The following EPS8 variants were observed in gnomAD, a reference collection of about 807,000 sequenced individuals.
The protein encoded by EPS8 is epidermal growth factor receptor kinase substrate 8.
EPS8 carries 42 observed loss-of-function variants against 103.8 expected under a neutral mutation model. The ratio of observed to expected loss-of-function variants is 0.40; its 90% CI spans 0.32 to 0.52. The LOEUF (loss-of-function observed/expected upper bound fraction) is 0.52. Among genes scored for constraint, EPS8 ranks in the 20% least tolerant of loss-of-function variants. The pLI, the probability that EPS8 is intolerant of heterozygous loss-of-function variation, is 0.40. For synonymous variants in EPS8, 344 were observed against 344.6 expected (o/e 1.00, Z 0.02); for missense variants, 969 against 1,005.1 (o/e 0.96, Z 0.49).
Position 15,660,666 on chromosome 12 carries a change from A to T in EPS8, c.885T>A (p.Ser295=). The T allele has an allele frequency of 6.2e-7, 1 of 1,609,846 alleles. No homozygotes were observed. Among genetic ancestry groups the T allele is most frequent in the South Asian group, 1.1e-5 (1 of 90,920 alleles). The change falls in exon 10 of 21, where the codon TCT becomes TCA. Residue 295 remains serine, a synonymous_variant. Coordinates refer to ENST00000281172, the MANE Select transcript of EPS8 (RefSeq NM_004447.6). ...TKLQKAAEAF[S]ELSKRKKNKK... ...TGTTTTTCTTCCTTTTAGAAAGCTC[A>T]GAAAATGCTTCTGCTGCTTTTTGGA...
Position 15,735,733 on chromosome 12 carries a change from A to T in EPS8, c.-21-52761T>A, listed in dbSNP as rs1447124839. 6.6e-6 allele frequency among the ~76,000 whole-genome samples: 1 copy of T among 152,232 alleles called. No individual in the cohort carries two copies. Among genetic ancestry groups the T allele is most frequent in the Non-Finnish European group, 1.5e-5 (1 of 68,030 alleles). On this transcript the variant is annotated intron_variant, in intron 1 of 20. Coordinates refer to ENST00000281172, the MANE Select transcript of EPS8 (RefSeq NM_004447.6). The surrounding 1 kb of genome is among the most constrained non-coding windows in gnomAD (Gnocchi z 4.4). ...TGTAGACCTTTTAAAAGTGCATGTT[A>T]TTAAATGTAACCTATATCTGTGTAA...
chr12:15,639,523 A>G (rs914263148), intron 17 of EPS8, among the ~76,000 whole-genome samples: 2 of 152,216 alleles, frequency 1.3e-5, no homozygotes, highest in African/African-American at 4.8e-5. Context: ...GAGGCCAGCC[A>G]AAACATAACA....
rs528916380 is a variant in EPS8 at position 15,704,369 on chromosome 12, T to C, written c.-21-21397A>G. On this transcript the variant is annotated intron_variant, in intron 1 of 20. Coordinates refer to ENST00000281172, the MANE Select transcript of EPS8 (RefSeq NM_004447.6). The surrounding 1 kb of genome is among the most constrained non-coding windows in gnomAD (Gnocchi z 4.6). Reference sequence around the variant, plus strand: ...ATGAATAAGTAAAATATCATACATCTACATAAGGGAATTATTTATCCTTTA... The same window carrying C: ...ATGAATAAGTAAAATATCATACATCCACATAAGGGAATTATTTATCCTTTA... Among the ~76,000 whole-genome samples, 1 of 152,302 alleles carries C rather than the reference T, an allele frequency of 6.6e-6. No individual in the cohort carries two copies. Among genetic ancestry groups the C allele is most frequent in the South Asian group, 2.1e-4 (1 of 4,830 alleles).
At position 15,704,992 on chromosome 12, in the gene EPS8, T is replaced by C. The variant is rs991755877; in HGVS notation, c.-21-22020A>G. On this transcript the variant is annotated intron_variant, in intron 1 of 20. Transcript: ENST00000281172. This position sits in a 1 kb window ranked among gnomAD's most constrained non-coding sequence, Gnocchi z 4.6. ...TACATATACATGTGTGTATATTTTTTAAAATTTGAAGTAGGTTAACATTGT... is the reference window on the plus strand; with the variant it reads ...TACATATACATGTGTGTATATTTTTCAAAATTTGAAGTAGGTTAACATTGT... 6.6e-6 allele frequency among the ~76,000 whole-genome samples: 1 copy of C among 152,196 alleles called. No homozygotes were observed. The highest frequency in any genetic ancestry group is 2.4e-5 in the African/African-American group (1 of 41,438).
chr12:15,630,081 T>C (rs1477285776), intron 18 of EPS8, among the ~76,000 whole-genome samples: 2 of 151,996 alleles, frequency 1.3e-5, no homozygotes, highest in Non-Finnish European at 2.9e-5. Flanking sequence ...GAAATGGAAA[T>C]AGAATGAACT....
rs572288148 is a variant in EPS8 at position 15,781,552 on chromosome 12, G to T, written c.-22+7609C>A. ...GTAACAGTGAAAGAAGATAATGTATGTAACACCTGCCACACAAAAGGTACT... is the reference window on the plus strand; with the variant it reads ...GTAACAGTGAAAGAAGATAATGTATTTAACACCTGCCACACAAAAGGTACT... On this transcript the variant is annotated intron_variant, in intron 1 of 20. Transcript: ENST00000281172. This position sits in a 1 kb window ranked among gnomAD's most constrained non-coding sequence, Gnocchi z 4.1. Among the ~76,000 whole-genome samples the T allele has an allele frequency of 6.6e-6, 1 of 152,180 alleles. No homozygotes were observed. The highest frequency in any genetic ancestry group is 2.4e-5 in the African/African-American group (1 of 41,452).
At chr12:15,766,365 C>CA (rs1947096306) in intron 1 of EPS8, among the ~76,000 whole-genome samples, 1 of 151,656 alleles carries the variant, frequency 6.6e-6, no homozygotes, top group Non-Finnish European at 1.5e-5. Flanking sequence ...TGGTGGTGGG[C>CA]ACCTGTAGTC....
In EPS8 at chr12:15,780,109, G is replaced by T. The variant is rs1947244680; in HGVS notation, c.-22+9052C>A. ...CTACATAAAGAGCTACATTTAGAAG[G>T]CCATGTGACTAGAAGAGAAGATTTA... On this transcript the variant is annotated intron_variant, in intron 1 of 20. Transcript: ENST00000281172. This position sits in a 1 kb window ranked among gnomAD's most constrained non-coding sequence, Gnocchi z 4.1. 1 of 152,148 alleles carries T rather than the reference G, an allele frequency of 6.6e-6. No homozygotes were observed. Among genetic ancestry groups the T allele is most frequent in the Admixed American group, 6.5e-5 (1 of 15,276 alleles). The allele number at this position is 152,148 out of a possible 1,614,324, so 9.4% of individuals were successfully genotyped here.
At chr12:15,636,195 A>C (rs4625533) in intron 17 of EPS8, among the ~76,000 whole-genome samples, 151,068 of 152,216 alleles carry the variant, frequency 0.99, 74,977 homozygotes, top group East Asian at 1. Context: ...GGGGAGAAAG[A>C]ACCCTGGATG....
At chr12:15,786,810 T>G (rs535835319) in intron 1 of EPS8, among the ~76,000 whole-genome samples, 1 of 152,230 alleles carries the variant, frequency 6.6e-6, no homozygotes, top group African/African-American at 2.4e-5. Context: ...CTTACAAAAA[T>G]ATTTTCAATC....
intron 1 of EPS8, among the ~76,000 whole-genome samples, chr12:15,742,309 A>G (rs979415571): frequency 2.0e-5 from 3 of 152,164 alleles, no homozygotes; most frequent in African/African-American, 7.2e-5. Context: ...ACAATGGTTG[A>G]ACTAGTTTAC....
In EPS8 at chr12:15,698,815, A is replaced by G. The variant is rs993470141; in HGVS notation, c.-21-15843T>C. On this transcript the variant is annotated intron_variant, in intron 1 of 20. Transcript: ENST00000281172. The surrounding 1 kb of genome is among the most constrained non-coding windows in gnomAD (Gnocchi z 4.9). Reference sequence around the variant, plus strand: ...CTCTGTTGAAACCTCAGGCAAGGTCAGTTTTGCCAAGAGCCACATGACTGC... The same window carrying G: ...CTCTGTTGAAACCTCAGGCAAGGTCGGTTTTGCCAAGAGCCACATGACTGC... Among the ~76,000 whole-genome samples the G allele has an allele frequency of 6.6e-6, 1 of 152,194 alleles. No homozygotes were observed. Among genetic ancestry groups the G allele is most frequent in the African/African-American group, 2.4e-5 (1 of 41,452 alleles).
At chr12:15,730,858 A>C (rs992400102) in intron 1 of EPS8, among the ~76,000 whole-genome samples, 3 of 152,068 alleles carry the variant, frequency 2.0e-5, no homozygotes, top group African/African-American at 4.8e-5. Context: ...CACTCCCCTC[A>C]GAAAATAATT....
intron 1 of EPS8, among the ~76,000 whole-genome samples, chr12:15,703,285 T>C (rs1946335955): frequency 6.6e-6 from 1 of 152,228 alleles, no homozygotes; most frequent in African/African-American, 2.4e-5. Context: ...GAACATTCAG[T>C]TCAGCAAGAT....
chr12:15,631,404 T>C, intron 18 of EPS8, 38 bp downstream of exon 18: 1 of 1,612,864 alleles, frequency 6.2e-7, no homozygotes, highest in Non-Finnish European at 8.5e-7. Flanking sequence ...GTGCTTTTAA[T>C]TTGCAGAAGA....
chr12:15,745,310 G>C lies in EPS8; in HGVS notation c.-22+43851C>G, dbSNP rs1361722707. Among the ~76,000 whole-genome samples, 2 of 152,158 alleles carry C rather than the reference G, an allele frequency of 1.3e-5. No individual in the cohort carries two copies. The highest frequency in any genetic ancestry group is 2.4e-5 in the African/African-American group (1 of 41,438). The stretch of plus-strand genomic sequence containing the variant: ...CCTCACCTGAAAAACAAAAGAACTA[G>C]AGTAGATCAGGATAGCAAGTACATG... On this transcript the variant is annotated intron_variant, in intron 1 of 20. Transcript: ENST00000281172. The surrounding 1 kb of genome is among the most constrained non-coding windows in gnomAD (Gnocchi z 4.6).
At chr12:15,707,686 T>C (rs1236018438) in intron 1 of EPS8, among the ~76,000 whole-genome samples, 1 of 152,190 alleles carries the variant, frequency 6.6e-6, no homozygotes, top group Non-Finnish European at 1.5e-5. Context: ...CATGATCAGA[T>C]TTCTCTTACC....
At chr12:15,622,508 T>A (rs1015180248) in intron 20 of EPS8, among the ~76,000 whole-genome samples, 1 of 152,176 alleles carries the variant, frequency 6.6e-6, no homozygotes, top group African/African-American at 2.4e-5. Context: ...TTCATGAAAC[T>A]ATTAAGAGCT....
chr12:15,666,024 A>C, intron 7 of EPS8, 132 bp from the exon 8 acceptor site: 2 of 882,038 alleles, frequency 2.3e-6, no homozygotes, highest in South Asian at 1.8e-5. Context: ...TTTCCTAAGC[A>C]TTACACATTA....
Sources: gnomAD v4.1 joint callset for allele counts (sites outside exome capture counted in the v4.1 genomes callset) on GRCh38, gnomAD v4.1.1 for gene constraint, Gnocchi (gnomAD v3.1) non-coding constraint, MANE v1.5 for transcripts, NCBI Gene and HGNC (gene_info 2026-07-23, HGNC 2026-07-21) for gene names.